The following BICC1 variants were observed in gnomAD, a reference collection of about 807,000 sequenced individuals.
BICC1 encodes protein bicaudal C homolog 1.
A neutral mutation model predicts 111.0 loss-of-function variants in BICC1; 43 were observed. The ratio of observed to expected loss-of-function variants is 0.39; its 90% confidence interval spans 0.30 to 0.50. BICC1 has a LOEUF of 0.50. Among genes scored for constraint, BICC1 ranks in the 20% least tolerant of loss-of-function variants. The probability of loss-of-function intolerance (pLI) is 0.88; values close to 1 mark genes in which losing one functional copy is unlikely to be tolerated. For missense variants in BICC1, 1,091 were observed against 1,203.2 expected, an observed-to-expected ratio of 0.91 and a Z score of 1.38; for synonymous variants, 467 against 434.4, an observed-to-expected ratio of 1.07 and a Z score of -0.93.
chr10:58,666,560 G>A (rs1457624241), intron 2 of BICC1, among the ~76,000 whole-genome samples: 1 of 152,122 alleles, frequency 6.6e-6, no homozygotes, highest in African/African-American at 2.4e-5. Context: ...CACACAGAAG[G>A]TGGGAAGAAG....
At chr10:58,796,618 G>T (rs980092091) in intron 10 of BICC1, 92 bp downstream of exon 10, 2 of 1,277,878 alleles carry the variant, frequency 1.6e-6, no homozygotes, top group African/African-American at 1.5e-5. Flanking sequence ...ACATTTAAAG[G>T]CTATTTTTTT....
intron 7 of BICC1, 56 bp from the exon 8 acceptor site, chr10:58,789,626 C>T: frequency 6.3e-7 from 1 of 1,585,796 alleles, no homozygotes; most frequent in Non-Finnish European, 8.6e-7. Context: ...AGAATCTTTC[C>T]CCGTATATGA....
intron 6 of BICC1, among the ~76,000 whole-genome samples, chr10:58,788,825 C>T (rs1356630219): frequency 1.3e-5 from 2 of 152,218 alleles, no homozygotes; most frequent in African/African-American, 4.8e-5. Flanking sequence ...GTGGCTCACA[C>T]CTGTAATCCC....
At chr10:58,787,155 T>C in intron 5 of BICC1, 74 bp downstream of exon 5, 1 of 1,389,340 alleles carries the variant, frequency 7.2e-7, no homozygotes, top group Non-Finnish European at 9.6e-7. Flanking sequence ...TGCCTATCTT[T>C]TTTTTCTGAG....
rs1405654298 is a variant in BICC1 at position 58,806,610 on chromosome 10, A to G, written c.2208A>G (p.Leu736=). The stretch of plus-strand genomic sequence containing the variant: ...CATTTGACTATGAACAGAAGAAGCT[A>G]TTAGCCACCAAAGGTATGTAATACA... The part of the protein sequence containing the change: ...MQAFDYEQKK[L]LATKAMLKKP... Residue 736 remains leucine, a synonymous_variant, in exon 16 of 21, where the codon CTA becomes CTG. Transcript: ENST00000373886. 1.2e-6 allele frequency: 2 copies of G among 1,612,294 alleles called. No homozygotes were observed. The highest frequency in any genetic ancestry group is 1.7e-5 in the Admixed American group (1 of 59,974).
chr10:58,720,000 A>G (rs1840889677), intron 3 of BICC1, among the ~76,000 whole-genome samples: 1 of 152,158 alleles, frequency 6.6e-6, no homozygotes, highest in South Asian at 2.1e-4. Flanking sequence ...AAGTAATTAA[A>G]CATCCCTCTC....
chr10:58,541,271 G>T (rs987627612), intron 1 of BICC1, among the ~76,000 whole-genome samples: 1 of 152,008 alleles, frequency 6.6e-6, no homozygotes, highest in Non-Finnish European at 1.5e-5. Context: ...TCTTTTCATA[G>T]GTGACATGAT....
At chr10:58,632,274 G>C (rs1047246695) in intron 2 of BICC1, among the ~76,000 whole-genome samples, 27 of 152,210 alleles carry the variant, frequency 1.8e-4, no homozygotes, top group African/African-American at 5.8e-4. Flanking sequence ...ATGCTTGTAA[G>C]ATGGTGTTAG....
chr10:58,566,865 A>C (rs1477178502), intron 1 of BICC1, among the ~76,000 whole-genome samples: 3 of 152,118 alleles, frequency 2.0e-5, no homozygotes, highest in African/African-American at 7.2e-5. Context: ...CGATTTCAGC[A>C]AGCTTGCTTA....
At chr10:58,737,768 A>G (rs1175528261) in intron 3 of BICC1, among the ~76,000 whole-genome samples, 1 of 152,128 alleles carries the variant, frequency 6.6e-6, no homozygotes, top group Non-Finnish European at 1.5e-5. Flanking sequence ...TGACTTTTTA[A>G]TGATCACCAT....
chr10:58,699,109 T>G (rs1442763752), intron 2 of BICC1, among the ~76,000 whole-genome samples: 1 of 152,224 alleles, frequency 6.6e-6, no homozygotes, highest in Non-Finnish European at 1.5e-5. Context: ...AAATTCTAAT[T>G]ACTGGCAATT....
chr10:58,707,300 G>T (rs1564566265), intron 3 of BICC1, among the ~76,000 whole-genome samples: 2 of 151,938 alleles, frequency 1.3e-5, no homozygotes, highest in African/African-American at 2.4e-5. Context: ...ACTTTTATTG[G>T]GTGTTCATAG....
chr10:58,532,002 G>T (rs1842693779), intron 1 of BICC1, among the ~76,000 whole-genome samples: 1 of 151,756 alleles, frequency 6.6e-6, no homozygotes, highest in Non-Finnish European at 1.5e-5. Flanking sequence ...ATGAGGGACA[G>T]AATATTTTTC....
intron 2 of BICC1, chr10:58,648,756 G>A: frequency 1.6e-6 from 1 of 635,810 alleles, no homozygotes; most frequent in Non-Finnish European, 2.0e-6. Flanking sequence ...TCTTAATCAT[G>A]ATGACTCCTG....
chr10:58,779,553 T>C (rs1842830735), intron 3 of BICC1, among the ~76,000 whole-genome samples: 1 of 152,228 alleles, frequency 6.6e-6, no homozygotes, highest in South Asian at 2.1e-4. Context: ...AAGAACCTTA[T>C]AGTACTATTT....
chr10:58,645,410 A>C (rs1289673881), intron 2 of BICC1, among the ~76,000 whole-genome samples: 3 of 486 alleles, frequency 6.2e-3, no homozygotes, highest in South Asian at 0.083. Context: ...CCATCTCAAA[A>C]AAAAAAAAAA....
At chr10:58,753,149 A>G (rs1299602013) in intron 3 of BICC1, among the ~76,000 whole-genome samples, 1 of 152,038 alleles carries the variant, frequency 6.6e-6, no homozygotes, top group Non-Finnish European at 1.5e-5. Context: ...ATTTGATTTT[A>G]CGTTGTTGTT....
intron 3 of BICC1, among the ~76,000 whole-genome samples, chr10:58,761,607 G>A (rs1047084272): frequency 1.3e-5 from 2 of 152,178 alleles, no homozygotes; most frequent in African/African-American, 2.4e-5. Flanking sequence ...GTGACAAGGA[G>A]TTGCGTCCCT....
intron 3 of BICC1, among the ~76,000 whole-genome samples, chr10:58,732,693 A>G (rs1339545641): frequency 1.3e-5 from 2 of 151,642 alleles, no homozygotes; most frequent in Admixed American, 1.3e-4. Flanking sequence ...AGGTGGGAGG[A>G]TTGCTTGAGC....
Sources: gnomAD v4.1 joint callset for allele counts (sites outside exome capture counted in the v4.1 genomes callset) on GRCh38, gnomAD v4.1.1 for gene constraint, MANE v1.5 for transcripts, NCBI Gene and HGNC (gene_info 2026-07-23, HGNC 2026-07-21) for gene names.